NKAIN3: variants seen among roughly 807,000 people sequenced by gnomAD.
NKAIN3 encodes sodium/potassium-transporting ATPase subunit beta-1-interacting protein 3.
A neutral mutation model predicts 30.2 loss-of-function variants in NKAIN3; 25 were observed. The observed-to-expected ratio is 0.83, with a 90% CI of 0.60 to 1.16. NKAIN3 has a LOEUF of 1.16. NKAIN3 is among the 50% of genes most tolerant of loss of function. The probability of loss-of-function intolerance (pLI) is 0.00; values close to 1 mark genes in which losing one functional copy is unlikely to be tolerated. For missense variants in NKAIN3, 225 were observed against 254.1 expected, an observed-to-expected ratio of 0.89 and a Z score of 0.78; for synonymous variants, 91 against 89.6, an observed-to-expected ratio of 1.02 and a Z score of -0.09.
At chr8:62,492,818 G>A (rs1253905583) in intron 1 of NKAIN3, among the ~76,000 whole-genome samples, 8 of 152,048 alleles carry the variant, frequency 5.3e-5, no homozygotes, top group Admixed American at 5.2e-4. Flanking sequence ...TCTGTTTTCA[G>A]CTCTTTGAAG....
chr8:62,526,944 A>C (rs1808322414), intron 1 of NKAIN3, among the ~76,000 whole-genome samples: 1 of 152,336 alleles, frequency 6.6e-6, no homozygotes, highest in South Asian at 2.1e-4. Flanking sequence ...CTAAATAAGC[A>C]GCCTCAGGAA....
intron 1 of NKAIN3, among the ~76,000 whole-genome samples, chr8:62,395,472 T>C (rs1269113119): frequency 6.6e-6 from 1 of 152,164 alleles, no homozygotes; most frequent in Non-Finnish European, 1.5e-5. Flanking sequence ...GAAAAAAAAG[T>C]CTATGAAACA....
chr8:62,703,307 T>A (rs914850330), intron 3 of NKAIN3, among the ~76,000 whole-genome samples: 4 of 152,166 alleles, frequency 2.6e-5, no homozygotes, highest in Admixed American at 6.6e-5. Flanking sequence ...CAAATTCTCA[T>A]TTTTGTTTTA....
At chr8:62,789,787 C>T (rs2130669945) in intron 4 of NKAIN3, among the ~76,000 whole-genome samples, 1 of 152,094 alleles carries the variant, frequency 6.6e-6, no homozygotes, top group African/African-American at 2.4e-5. Context: ...CTGAATAAAC[C>T]AATAACAGGC....
chr8:62,363,253 A>G lies in NKAIN3; in HGVS notation c.54+114126A>G, dbSNP rs1468302472. On this transcript the variant is annotated intron_variant, in intron 1 of 6. Coordinates refer to ENST00000623646, the MANE Select transcript of NKAIN3 (RefSeq NM_001304533.3). ...TCGTTTGCCTTTGTGCATACCTAAGACATCTTCCAGGACTTTTGATTCTCT... is the reference window on the plus strand; with the variant it reads ...TCGTTTGCCTTTGTGCATACCTAAGGCATCTTCCAGGACTTTTGATTCTCT... Among the ~76,000 whole-genome samples the G allele has an allele frequency of 2.0e-5, 3 of 152,314 alleles. No homozygotes were observed. In the East Asian group the frequency reaches 5.8e-4, roughly 29 times the overall value.
In NKAIN3 at chr8:62,747,072, C is replaced by T. The variant is rs1438717600; in HGVS notation, c.414C>T (p.Cys138=). Residue 138 remains cysteine, a synonymous_variant, in exon 4 of 7, where the codon TGC becomes TGT. Transcript: ENST00000623646. ...ACACGTACGTCTCTGTCACAGGCTG[C>T]ATCGTTGACTTCCAGTACCTGGAGG... is the stretch of plus-strand genomic sequence containing the variant. The part of the protein sequence containing the change: ...DDYTYVSVTG[C]IVDFQYLEVI... The T allele has an allele frequency of 6.2e-7, 1 of 1,613,668 alleles. No individual in the cohort carries two copies. The highest frequency in any genetic ancestry group is 2.2e-5 in the East Asian group (1 of 44,868).
chr8:62,850,233 T>G (rs1453570062), intron 4 of NKAIN3, among the ~76,000 whole-genome samples: 11 of 152,124 alleles, frequency 7.2e-5, no homozygotes, highest in Admixed American at 6.6e-4. Flanking sequence ...TCATGTGTCT[T>G]TTGGCTGCAT....
At chr8:62,301,152 A>G (rs1190751260) in intron 1 of NKAIN3, among the ~76,000 whole-genome samples, 1 of 152,104 alleles carries the variant, frequency 6.6e-6, no homozygotes, top group Non-Finnish European at 1.5e-5. Context: ...AATCAAATTC[A>G]AAGAGGAAAT....
At chr8:62,964,711 C>T (rs1029550355) in intron 6 of NKAIN3, among the ~76,000 whole-genome samples, 7 of 151,992 alleles carry the variant, frequency 4.6e-5, no homozygotes, top group African/African-American at 9.7e-5. Context: ...CTCTTAAGGC[C>T]TTATACCGAT....
intron 3 of NKAIN3, among the ~76,000 whole-genome samples, chr8:62,594,169 G>C (rs1283342604): frequency 6.6e-6 from 1 of 151,894 alleles, no homozygotes; most frequent in African/African-American, 2.4e-5. Flanking sequence ...CCTTGCTCAG[G>C]ATCAATCTAT....
At chr8:62,937,279 T>G (rs1822813419) in intron 5 of NKAIN3, among the ~76,000 whole-genome samples, 1 of 152,112 alleles carries the variant, frequency 6.6e-6, no homozygotes, top group Non-Finnish European at 1.5e-5. Context: ...TCAGGAAAAC[T>G]GAAAGAATTC....
chr8:62,329,567 CA>C (rs1563936032), intron 1 of NKAIN3, among the ~76,000 whole-genome samples: 1 of 152,050 alleles, frequency 6.6e-6, no homozygotes, highest in East Asian at 1.9e-4. Context: ...GTTTAGTTTC[CA>C]CTTATAAGTG....
At chr8:62,347,369 T>G (rs1816036147) in intron 1 of NKAIN3, among the ~76,000 whole-genome samples, 1 of 152,140 alleles carries the variant, frequency 6.6e-6, no homozygotes, top group African/African-American at 2.4e-5. Context: ...TCTCCAGATA[T>G]GAGTCTTGCC....
At chr8:62,471,821 C>T (rs1198156439) in intron 1 of NKAIN3, among the ~76,000 whole-genome samples, 1 of 152,024 alleles carries the variant, frequency 6.6e-6, no homozygotes, top group Non-Finnish European at 1.5e-5. Context: ...CTGGAGCGTG[C>T]CTGTAGTCCC....
intron 1 of NKAIN3, among the ~76,000 whole-genome samples, chr8:62,361,485 GTT>G (rs1308763266): frequency 3.3e-5 from 5 of 152,182 alleles, no homozygotes; most frequent in Admixed American, 2.6e-4. Flanking sequence ...AATGAATGAA[GTT>G]AAAAAGTTAA....
chr8:62,649,231 A>G (rs1812555542), intron 3 of NKAIN3, among the ~76,000 whole-genome samples: 1 of 152,184 alleles, frequency 6.6e-6, no homozygotes, highest in Non-Finnish European at 1.5e-5. Flanking sequence ...TGATTCTAGT[A>G]AGGTACTTTG....
In NKAIN3 at chr8:62,473,877, A is replaced by G. The variant is rs1051638005; in HGVS notation, c.55-105662A>G. 5 of 152,312 alleles carry G rather than the reference A, an allele frequency of 3.3e-5. No individual in the cohort carries two copies. In the East Asian group the frequency reaches 9.7e-4, roughly 29 times the overall value. 9.4% of individuals were successfully genotyped at this position (152,312 alleles called of 1,614,324 possible). On this transcript the variant is annotated intron_variant, in intron 1 of 6. Transcript: ENST00000623646. ...CTCAGTTTCAATTTGAATTTCAGAG[A>G]GGTAAGAAATAATTTTAATATGTCT...
At chr8:62,420,181 T>C (rs891649650) in intron 1 of NKAIN3, among the ~76,000 whole-genome samples, 1 of 152,176 alleles carries the variant, frequency 6.6e-6, no homozygotes, top group African/African-American at 2.4e-5. Flanking sequence ...GTCACGTGTG[T>C]GAGAAGAGGG....
intron 3 of NKAIN3, among the ~76,000 whole-genome samples, chr8:62,695,109 G>A (rs755926394): frequency 2.6e-5 from 4 of 152,082 alleles, no homozygotes; most frequent in Non-Finnish European, 5.9e-5. Context: ...CCTTAGCCTT[G>A]ATCCCTCCTT....
Sources: allele counts gnomAD v4.1 joint callset (sites outside exome capture counted in the v4.1 genomes callset), GRCh38; gene constraint gnomAD v4.1.1; transcripts MANE v1.5; gene names NCBI Gene and HGNC (gene_info 2026-07-23, HGNC 2026-07-21).